Variants in CALB2 observed in about 807,000 individuals in gnomAD.
CALB2 encodes calretinin.
CALB2 carries 34 observed loss-of-function variants against 45.9 expected under a neutral mutation model. The ratio of observed to expected loss-of-function variants is 0.74; its 90% CI spans 0.56 to 0.99. The LOEUF (loss-of-function observed/expected upper bound fraction) is 0.99. Ranked by LOEUF, CALB2 falls within the 50% of genes least tolerant of loss-of-function variation. The pLI is 0.00. For synonymous variants in CALB2, 142 were observed against 129.6 expected (o/e 1.10, Z -0.65); for missense variants, 344 against 339.3 (o/e 1.01, Z -0.11).
At chr16:71,384,460 A>T (rs1160409966) in intron 8 of CALB2, 82 bp downstream of exon 8, 10 of 1,103,228 alleles carry the variant, frequency 9.1e-6, no homozygotes, top group Non-Finnish European at 1.4e-5. Context: ...AACGCACCAC[A>T]CACAACACAC....
intron 2 of CALB2, 146 bp downstream of exon 2, chr16:71,372,375 GTC>G: frequency 1.7e-6 from 1 of 599,924 alleles, no homozygotes; most frequent in Non-Finnish European, 2.9e-6. Flanking sequence ...AAAATAGACT[GTC>G]CCCTAAGAGT....
At chr16:71,372,087 C>T (rs889224602) in intron 1 of CALB2, 66 bp from the exon 2 acceptor site, 2 of 1,111,772 alleles carry the variant, frequency 1.8e-6, no homozygotes, top group Non-Finnish European at 2.7e-6. Flanking sequence ...AAGCCCCCGA[C>T]ATGCCCACCC....
At chr16:71,376,498 TCCACATATAC>T (rs1428349489) in intron 3 of CALB2, among the ~76,000 whole-genome samples, 8 of 151,274 alleles carry the variant, frequency 5.3e-5, no homozygotes, top group African/African-American at 1.9e-4. Flanking sequence ...TCCACATACA[TCCACATATAC>T]CCACATACAT....
Position 71,390,002 on chromosome 16 carries a change from ATG to A in CALB2, c.*138_*139del. Reference sequence around the variant, plus strand: ...CACACACCTGCCTGCAGAGCAGGAAATGAGAGATAGAGGATGGGCAGCTGGGG... The same window carrying A: ...CACACACCTGCCTGCAGAGCAGGAAAAGAGATAGAGGATGGGCAGCTGGGG... On this transcript the variant is annotated 3_prime_UTR_variant, in exon 11 of 11. Coordinates refer to ENST00000302628, the MANE Select transcript of CALB2 (RefSeq NM_001740.5). The A allele has an allele frequency of 1.5e-6, 1 of 651,542 alleles. No homozygotes were observed. Among genetic ancestry groups the A allele is most frequent in the African/African-American group, 1.8e-5 (1 of 55,290 alleles). 40.4% of individuals were successfully genotyped at this position (651,542 alleles called of 1,614,324 possible).
chr16:71,370,602 T>C (rs890285132), intron 1 of CALB2, among the ~76,000 whole-genome samples: 8 of 152,228 alleles, frequency 5.3e-5, no homozygotes, highest in Admixed American at 2.6e-4. Context: ...GTACCTGTAA[T>C]CCCAGCTACT....
At chr16:71,374,886 T>A in intron 3 of CALB2, 52 bp downstream of exon 3, 1 of 1,263,190 alleles carries the variant, frequency 7.9e-7, no homozygotes, top group Non-Finnish European at 1.2e-6. Context: ...CCTGGGTCCC[T>A]GTGCCTCTCC....
intron 2 of CALB2, among the ~76,000 whole-genome samples, chr16:71,372,951 G>C (rs986365317): frequency 6.6e-6 from 1 of 152,310 alleles, no homozygotes; most frequent in South Asian, 2.1e-4. Context: ...ATTTGTGGTG[G>C]TGTCACGACC....
Position 71,385,427 on chromosome 16 carries a change from A to G in CALB2, c.628-150A>G, listed in dbSNP as rs372843905. On this transcript the variant is annotated intron_variant, in intron 9 of 10. Transcript: ENST00000302628. ...TCCTGCCATGACTGGTTAAGGCAGA[A>G]GGGACACATTATTTTGTCATTACAC... The G allele has an allele frequency of 5.7e-5, 32 of 557,044 alleles. No individual in the cohort carries two copies. In the East Asian group the frequency reaches 6.2e-4, roughly 11 times the overall value. The allele number at this position is 557,044 out of a possible 1,614,324, so 34.5% of individuals were successfully genotyped here. A position where few individuals can be genotyped will look rare whatever the true frequency, so the allele number is the denominator to read the frequency against.
intron 10 of CALB2, among the ~76,000 whole-genome samples, chr16:71,387,598 A>T (rs2042585387): frequency 6.6e-6 from 1 of 152,010 alleles, no homozygotes; most frequent in Admixed American, 6.6e-5. Context: ...GAACTTCAGT[A>T]TTTCTTAGCA....
intron 10 of CALB2, chr16:71,389,378 C>A: frequency 2.3e-6 from 1 of 442,124 alleles, no homozygotes; most frequent in Non-Finnish European, 4.6e-6. Flanking sequence ...ATACATAGAT[C>A]ATGACTGTCA....
chr16:71,362,869 C>T (rs558879956), intron 1 of CALB2, among the ~76,000 whole-genome samples: 1 of 152,210 alleles, frequency 6.6e-6, no homozygotes, highest in South Asian at 2.1e-4. Context: ...CCTGTGTAGT[C>T]AGCAAAACAA....
intron 6 of CALB2, 101 bp from the exon 7 acceptor site, chr16:71,383,869 C>T: frequency 7.5e-7 from 1 of 1,324,918 alleles, no homozygotes; most frequent in Non-Finnish European, 1.1e-6. Flanking sequence ...GAAGCATGAG[C>T]ACGTGTCACC....
At chr16:71,373,970 C>T (rs984473857) in intron 2 of CALB2, among the ~76,000 whole-genome samples, 2 of 152,190 alleles carry the variant, frequency 1.3e-5, no homozygotes, top group African/African-American at 4.8e-5. Context: ...GCACACAATT[C>T]ATGTGGAAGT....
At chr16:71,368,930 A>G (rs187899678) in intron 1 of CALB2, among the ~76,000 whole-genome samples, 48 of 152,276 alleles carry the variant, frequency 3.2e-4, no homozygotes, top group African/African-American at 1.1e-3. Flanking sequence ...AGAAAAAAAG[A>G]TGGAGTAAAA....
chr16:71,373,450 C>T (rs1438577672), intron 2 of CALB2, among the ~76,000 whole-genome samples: 1 of 152,188 alleles, frequency 6.6e-6, no homozygotes, highest in Non-Finnish European at 1.5e-5. Context: ...GCATGGGCTT[C>T]AGGACTGACT....
intron 1 of CALB2, among the ~76,000 whole-genome samples, chr16:71,362,196 G>A (rs2042243341): frequency 6.6e-6 from 1 of 152,182 alleles, no homozygotes; most frequent in Non-Finnish European, 1.5e-5. Flanking sequence ...GGTGGCTGAG[G>A]GATGCCCAGT....
intron 3 of CALB2, among the ~76,000 whole-genome samples, chr16:71,375,202 A>T (rs1049759411): frequency 6.6e-6 from 1 of 152,264 alleles, no homozygotes; most frequent in South Asian, 2.1e-4. Flanking sequence ...AGTTATATAC[A>T]TAATTTACAC....
At position 71,384,389 on chromosome 16, in the gene CALB2, G is replaced by A; in HGVS notation, c.573+11G>A. ...CTGCTTAAATTTCAGGTAAAACTTT[G>A]CTTTCCTTCCTTCCCCCTTCCCTCA... On this transcript the variant is annotated intron_variant, in intron 8 of 10. Coordinates refer to ENST00000302628, the MANE Select transcript of CALB2 (RefSeq NM_001740.5). The A allele has an allele frequency of 1.9e-6, 3 of 1,598,874 alleles. No individual in the cohort carries two copies. Among genetic ancestry groups the A allele is most frequent in the Non-Finnish European group, 2.6e-6 (3 of 1,174,116 alleles).
intron 2 of CALB2, among the ~76,000 whole-genome samples, chr16:71,374,504 G>T (rs936004641): frequency 3.9e-5 from 6 of 152,126 alleles, no homozygotes; most frequent in Admixed American, 6.5e-5. Context: ...TTGATTACCT[G>T]GTATGGAGCA....
Sources: allele counts gnomAD v4.1 joint callset (sites outside exome capture counted in the v4.1 genomes callset), GRCh38; gene constraint gnomAD v4.1.1; transcripts MANE v1.5; gene names NCBI Gene and HGNC (gene_info 2026-07-23, HGNC 2026-07-21).